XRCC3: variants seen among roughly 807,000 people sequenced by gnomAD.
XRCC3 encodes DNA repair protein XRCC3.
Under a neutral mutation model 29.2 loss-of-function variants are expected in XRCC3, and 34 were observed. The ratio of observed to expected loss-of-function variants is 1.16; its 90% confidence interval spans 0.88 to 1.55. XRCC3 has a LOEUF of 1.55. Among genes scored for constraint, XRCC3 ranks in the 40% most tolerant of loss-of-function variants. The pLI, the probability that XRCC3 is intolerant of heterozygous loss-of-function variation, is 0.00. For synonymous variants in XRCC3, 223 were observed against 211.3 expected, an observed-to-expected ratio of 1.06 and a Z score of -0.48; for missense variants, 463 against 467.6, an observed-to-expected ratio of 0.99 and a Z score of 0.09.
At chr14:103,714,719 G>T (rs1284919774) in intron 1 of XRCC3, among the ~76,000 whole-genome samples, 4 of 152,082 alleles carry the variant, frequency 2.6e-5, no homozygotes, top group African/African-American at 9.7e-5. Context: ...TTTTTCTGTA[G>T]CCCAGGCTGG....
At chr14:103,706,608 G>T in intron 6 of XRCC3, 3 of 377,802 alleles carry the variant, frequency 7.9e-6, no homozygotes, top group Non-Finnish European at 1.5e-5. Flanking sequence ...GCCGCGCCAG[G>T]AGCATACCTG....
At chr14:103,710,911 TCGGTTTAATAATC>T in intron 4 of XRCC3, 109 bp downstream of exon 4, 1 of 921,018 alleles carries the variant, frequency 1.1e-6, no homozygotes, top group Non-Finnish European at 1.7e-6. Flanking sequence ...CATCCCGCCC[TCGGTTTAATAATC>T]AGGGTAGGCA....
Position 103,711,478 on chromosome 14 carries a change from T to C in XRCC3, c.-171A>G, listed in dbSNP as rs2151943865. 1 of 482,982 alleles carries C rather than the reference T, an allele frequency of 2.1e-6. No homozygotes were observed. The highest frequency in any genetic ancestry group is 4.1e-6 in the Non-Finnish European group (1 of 245,092). The allele number at this position is 482,982 out of a possible 1,614,324, so 29.9% of individuals were successfully genotyped here. A position where few individuals can be genotyped will look rare whatever the true frequency, so the allele number is the denominator to read the frequency against. On this transcript the variant is annotated 5_prime_UTR_variant, in exon 3 of 10. Transcript: ENST00000555055. The stretch of plus-strand genomic sequence containing the variant: ...CTGCCCGACTCACCTCTCTGGGGCT[T>C]GGGGATGACCCGCGTGTTTTTGGCT...
At chr14:103,709,110 CAT>C (rs2083540318) in intron 4 of XRCC3, 3 of 327,494 alleles carry the variant, frequency 9.2e-6, no homozygotes, top group Non-Finnish European at 1.8e-5. Context: ...CGGGAGAGGA[CAT>C]GTGCCCTGGG....
Position 103,703,733 on chromosome 14 carries a change from C to G in XRCC3, c.407-406G>C, listed in dbSNP as rs183400888. On this transcript the variant is annotated intron_variant, in intron 6 of 9. Coordinates refer to ENST00000555055, the MANE Select transcript of XRCC3 (RefSeq NM_005432.4). ...CGCCTTCTGGAAATGGCCCCTGAGC[C>G]CCGACACATGGCCACCCTCAAGGCC... The G allele has an allele frequency of 7.1e-4, 209 of 294,100 alleles. 2 individuals are homozygous for G. Among genetic ancestry groups the G allele is most frequent in the Non-Finnish European group, 1.1e-3 (162 of 148,614 alleles). The allele number at this position is 294,100 out of a possible 1,614,324, so 18.2% of individuals were successfully genotyped here.
chr14:103,704,719 C>T (rs1274209625), intron 6 of XRCC3: 1 of 152,214 alleles, frequency 6.6e-6, no homozygotes, highest in Non-Finnish European at 1.5e-5. Context: ...TCAGGCCGAA[C>T]TGTACACTTT....
intron 6 of XRCC3, chr14:103,704,006 C>CGTCCA (rs1226031670): frequency 1.9e-5 from 3 of 155,392 alleles, no homozygotes; most frequent in Non-Finnish European, 4.3e-5. Context: ...AGAGAAAGAA[C>CGTCCA]GTCCACCGTA....
Position 103,707,127 on chromosome 14 carries a change from G to A in XRCC3, c.282C>T (p.Arg94=), listed in dbSNP as rs751566300. The part of the protein sequence containing the change: ...LGCPVLDALL[R]GGLPLDGITE... ...TGATGCCGTCCAGGGGCAGGCCACC[G>A]CGGAGCAGCGCGTCCAGCACCGGGC... Residue 94 remains arginine (R), a synonymous_variant, in exon 6 of 10, where the codon CGC becomes CGT. Coordinates refer to ENST00000555055, the MANE Select transcript of XRCC3 (RefSeq NM_005432.4). The A allele has an allele frequency of 4.2e-5, 65 of 1,549,624 alleles. No homozygotes were observed. Among genetic ancestry groups the A allele is most frequent in the Middle Eastern group, 3.6e-4 (2 of 5,572 alleles).
rs560239798 is a variant in XRCC3 at position 103,698,902 on chromosome 14, G to A, written c.937C>T (p.Arg313Trp). Residue 313 changes from arginine to tryptophan, a missense_variant, in exon 10 of 10, where the codon CGG becomes TGG. Physicochemically the swap from Arg to Trp is moderately radical, Grantham distance 101 (BLOSUM62 -3). Coordinates refer to ENST00000555055, the MANE Select transcript of XRCC3 (RefSeq NM_005432.4). ...GGGGCAGAGAGCACCCGCAGGGTCC[G>A]GGCTGGGCAGCCGAGGGCAGCCTCT... ...EEEAALGCPA[R>W]TLRVLSAPHL... is the part of the protein sequence containing the mutation. The A allele has an allele frequency of 7.0e-5, 112 of 1,602,208 alleles. No individual in the cohort carries two copies. The Middle Eastern group carries it at 1.0e-3, about 14-fold the overall frequency.
rs1025005386 is a variant in XRCC3, at chr14:103,711,458, C to G, written c.-159+8G>C. On this transcript the variant is annotated splice_region_variant and intron_variant, in intron 3 of 9. Coordinates refer to ENST00000555055, the MANE Select transcript of XRCC3 (RefSeq NM_005432.4). ...TCCTGCAGCAGTTGAGTGCCCTGCC[C>G]GACTCACCTCTCTGGGGCTTGGGGA... is the stretch of plus-strand genomic sequence containing the variant. The G allele has an allele frequency of 1.4e-5, 7 of 493,222 alleles. No homozygotes were observed. Among genetic ancestry groups the G allele is most frequent in the Non-Finnish European group, 2.8e-5 (7 of 251,942 alleles). The allele number at this position is 493,222 out of a possible 1,614,324, so 30.6% of individuals were successfully genotyped here.
In XRCC3 at chr14:103,715,242, T is replaced by C. The variant is rs1033413162; in HGVS notation, c.-318+182A>G. Among the ~76,000 whole-genome samples the C allele has an allele frequency of 9.8e-4, 149 of 151,890 alleles. 3 individuals are homozygous for C. In the East Asian group the frequency reaches 0.021, roughly 22 times the overall value. ...AACGCTACCCGAGCTGCGGCGGGGCTCCCGGGGTGAGTGCTGCAGCCCCAG... is the reference window on the plus strand; with the variant it reads ...AACGCTACCCGAGCTGCGGCGGGGCCCCCGGGGTGAGTGCTGCAGCCCCAG... On this transcript the variant is annotated intron_variant, in intron 1 of 9. Coordinates refer to ENST00000555055, the MANE Select transcript of XRCC3 (RefSeq NM_005432.4).
chr14:103,701,871 T>TA (rs36085845), intron 7 of XRCC3: 35,488 of 144,312 alleles, frequency 0.25, 4,468 homozygotes, highest in East Asian at 0.51. Flanking sequence ...GAGACTGTCT[T>TA]AAAAAAAAAA....
intron 5 of XRCC3, 83 bp from the exon 6 acceptor site, chr14:103,707,298 C>A: frequency 6.6e-7 from 1 of 1,504,042 alleles, no homozygotes. Flanking sequence ...GGTCAGCCTG[C>A]CTGTGCCAGG....
chr14:103,708,306 A>G (rs1190063061), intron 5 of XRCC3: 2 of 669,368 alleles, frequency 3.0e-6, no homozygotes, highest in East Asian at 2.8e-5. Flanking sequence ...GAGGTCCCAC[A>G]GCCCGTGTCC....
intron 1 of XRCC3, among the ~76,000 whole-genome samples, chr14:103,715,119 G>T (rs1259849849): frequency 6.6e-6 from 1 of 152,184 alleles, no homozygotes; most frequent in African/African-American, 2.4e-5. Context: ...GCCCACCTCG[G>T]CCTCCCCTGA....
intron 7 of XRCC3, 39 bp from the exon 8 acceptor site, chr14:103,699,615 G>T: frequency 6.2e-7 from 1 of 1,607,176 alleles, no homozygotes; most frequent in Non-Finnish European, 8.5e-7. Context: ...TGGTCAGCAA[G>T]TCCCCGCCCC....
At chr14:103,699,802 A>G in intron 7 of XRCC3, 1 of 589,626 alleles carries the variant, frequency 1.7e-6, no homozygotes, top group Non-Finnish European at 3.1e-6. Context: ...CCTTGGCCCC[A>G]TGTCCTTCCT....
Position 103,703,190 on chromosome 14 carries a change from C to T in XRCC3, c.544G>A (p.Glu182Lys), listed in dbSNP as rs745494547. The T allele has an allele frequency of 4.5e-5, 71 of 1,572,084 alleles. No individual in the cohort carries two copies. In the Middle Eastern group the frequency reaches 1.0e-3, roughly 22 times the overall value. ...KLRFGSQIFIEHVADVDTLLE... is the reference protein window; with the variant it reads ...KLRFGSQIFIKHVADVDTLLE... ...ACACTCACCACATCGGCCACGTGCT[C>T]GATGAAGATCTGGCTGCCAAATCGG... Residue 182 changes from glutamate (E) to lysine (K), a missense_variant, in exon 7 of 10, where the codon GAG becomes AAG. Physicochemically the swap from Glu to Lys is moderately conservative, Grantham distance 56. Coordinates refer to ENST00000555055, the MANE Select transcript of XRCC3 (RefSeq NM_005432.4).
intron 5 of XRCC3, 110 bp downstream of exon 5, chr14:103,708,412 C>A: frequency 6.6e-7 from 1 of 1,519,120 alleles, no homozygotes. Flanking sequence ...CTGCCACACG[C>A]CCTGAGGCTG....
Sources: allele counts gnomAD v4.1 joint callset (sites outside exome capture counted in the v4.1 genomes callset), GRCh38; gene constraint gnomAD v4.1.1; transcripts MANE v1.5; gene names NCBI Gene and HGNC (gene_info 2026-07-23, HGNC 2026-07-21).